The following HSPG2 variants were observed in gnomAD, a reference collection of about 807,000 sequenced individuals.
HSPG2 encodes heparan sulfate proteoglycan 2.
Under a neutral mutation model 526.6 loss-of-function variants are expected in HSPG2, and 278 were observed. The observed-to-expected ratio is 0.53, with a 90% CI of 0.48 to 0.58. The LOEUF (loss-of-function observed/expected upper bound fraction) is 0.58. HSPG2 is among the 20% of genes least tolerant of loss of function. The pLI, the probability that HSPG2 is intolerant of heterozygous loss-of-function variation, is 0.00. For synonymous variants in HSPG2, 2,465 were observed against 2,555.4 expected, an observed-to-expected ratio of 0.96 and a Z score of 1.07; for missense variants, 5,354 against 6,099.5, an observed-to-expected ratio of 0.88 and a Z score of 4.07.
In HSPG2 at chr1:21,884,688, T is replaced by C. The variant is rs1293802537; in HGVS notation, c.1508-14A>G. 2 of 1,610,802 alleles carry C rather than the reference T, an allele frequency of 1.2e-6. No homozygotes were observed. Among genetic ancestry groups the C allele is most frequent in the Admixed American group, 3.3e-5 (2 of 59,790 alleles). On this transcript the variant is annotated splice_polypyrimidine_tract_variant and intron_variant, in intron 12 of 96. Transcript: ENST00000374695. Reference sequence around the variant, plus strand: ...CAGGGCAGGGGCCTGCTGGGCGGCATGGGCGGGGGCTGCAGCCGGCTGTGG... The same window carrying C: ...CAGGGCAGGGGCCTGCTGGGCGGCACGGGCGGGGGCTGCAGCCGGCTGTGG...
chr1:21,833,711 G>A (rs985176308), intron 78 of HSPG2, 97 bp from the exon 79 acceptor site: 84 of 1,573,904 alleles, frequency 5.3e-5, no homozygotes, highest in Non-Finnish European at 6.5e-5. Context: ...AACATTGAGC[G>A]TTTGCTCTTG....
At chr1:21,899,416 C>T (rs187887520) in intron 1 of HSPG2, among the ~76,000 whole-genome samples, 19 of 152,178 alleles carry the variant, frequency 1.2e-4, no homozygotes, top group African/African-American at 4.3e-4. Flanking sequence ...TTATTGAGCA[C>T]TTACTATGCA....
chr1:21,865,878 G>T lies in HSPG2; in HGVS notation c.4222-69C>A. ...GTGAGTGTTGGACCATATAGGTGAG[G>T]GATGGAGCATCTGGCGGCCTTTTTG... is the stretch of plus-strand genomic sequence containing the variant. On this transcript the variant is annotated intron_variant, in intron 33 of 96. Transcript: ENST00000374695. The surrounding 1 kb of genome is among the most constrained non-coding windows in gnomAD (Gnocchi z 5.4). 8.1e-7 allele frequency: 1 copy of T among 1,241,116 alleles called. No homozygotes were observed. Among genetic ancestry groups the T allele is most frequent in the Non-Finnish European group, 1.2e-6 (1 of 844,200 alleles). The allele number at this position is 1,241,116 out of a possible 1,614,324, so 76.9% of individuals were successfully genotyped here. A position where few individuals can be genotyped will look rare whatever the true frequency, so the allele number is the denominator to read the frequency against.
In HSPG2 at chr1:21,872,691, C is replaced by G. The variant is rs376074422; in HGVS notation, c.3958G>C (p.Asp1320His). Residue 1320 changes from aspartate to histidine, a missense_variant, in exon 32 of 97, where the codon GAC (aspartate) becomes CAC (histidine). Coordinates refer to ENST00000374695, the MANE Select transcript of HSPG2 (RefSeq NM_005529.7). This position sits in a 1 kb window ranked among gnomAD's most constrained non-coding sequence, Gnocchi z 5.5. ...ATACAGAAGCAGGGCAGGCAGCCGT[C>G]TGGGTTGCTGGCACTCAGGTGGAAG... ...HHFHLSASNP[D>H]GCLPCFCMGI... is the part of the protein sequence containing the mutation. 4 of 1,608,072 alleles carry G rather than the reference C, an allele frequency of 2.5e-6. No individual in the cohort carries two copies. Among genetic ancestry groups the G allele is most frequent in the Non-Finnish European group, 3.4e-6 (4 of 1,178,208 alleles).
rs2229482 is a variant in HSPG2, at chr1:21,872,752, C to T, written c.3897G>A (p.Val1299=). The change falls in exon 32 of 97, where the codon GTG becomes GTA. Residue 1299 remains valine, a synonymous_variant. Coordinates refer to ENST00000374695, the MANE Select transcript of HSPG2 (RefSeq NM_005529.7). This position sits in a 1 kb window ranked among gnomAD's most constrained non-coding sequence, Gnocchi z 5.5. ...AAGQCQCKAQ[V]EGLTCSHCRP... ...GGCAGTGGCTGCAAGTGAGGCCTTCCACCTGGGCCTGGGTAGACGGATGGA... is the reference window on the plus strand; with the variant it reads ...GGCAGTGGCTGCAAGTGAGGCCTTCTACCTGGGCCTGGGTAGACGGATGGA... 952,751 of 1,607,180 alleles carry T rather than the reference C, an allele frequency of 0.59. 289,523 individuals carry two copies. Among genetic ancestry groups the T allele is most frequent in the Middle Eastern group, 0.63 (3,770 of 5,992 alleles).
In HSPG2 at chr1:21,841,228, G is replaced by T. The variant is rs2098047135; in HGVS notation, c.9386C>A (p.Ala3129Asp). The change falls in exon 71 of 97, where the codon GCT becomes GAT. Residue 3129 changes from alanine (A) to aspartate (D), a missense_variant. By Grantham distance (126) the Ala-to-Asp change is moderately radical. Coordinates refer to ENST00000374695, the MANE Select transcript of HSPG2 (RefSeq NM_005529.7). ...GGCACTGACACACTCCAGGGTGACA[G>T]CCTTTCCCACTTTCACCCACACGGG... The part of the protein sequence containing the change: ...EGPVWVKVGK[A>D]VTLECVSAGE... The T allele has an allele frequency of 1.2e-6, 2 of 1,613,802 alleles. No homozygotes were observed. Among genetic ancestry groups the T allele is most frequent in the African/African-American group, 1.3e-5 (1 of 74,944 alleles).
Position 21,898,261 on chromosome 1 carries a change from T to C in HSPG2, c.64-1951A>G, listed in dbSNP as rs901310727. On this transcript the variant is annotated intron_variant, in intron 1 of 96. Transcript: ENST00000374695. This position sits in a 1 kb window ranked among gnomAD's most constrained non-coding sequence, Gnocchi z 4.0. ...TTGTTCATCTTTGTGTTTGCGGTGC[T>C]CTCAGACCTTGGGGAAGGTCTGAGT... is the stretch of plus-strand genomic sequence containing the variant. Among the ~76,000 whole-genome samples, 13 of 152,128 alleles carry C rather than the reference T, an allele frequency of 8.5e-5. No individual in the cohort carries two copies. Among genetic ancestry groups the C allele is most frequent in the Non-Finnish European group, 1.5e-4 (10 of 68,016 alleles).
intron 20 of HSPG2, 32 bp from the exon 21 acceptor site, chr1:21,878,285 G>A (rs374318622): frequency 6.2e-6 from 10 of 1,610,932 alleles, no homozygotes; most frequent in East Asian, 2.2e-5. Flanking sequence ...GGCAGGGCAG[G>A]TGGGAATGGG....
intron 1 of HSPG2, among the ~76,000 whole-genome samples, chr1:21,915,270 C>A (rs1475827693): frequency 6.6e-6 from 1 of 152,246 alleles, no homozygotes; most frequent in Non-Finnish European, 1.5e-5. Flanking sequence ...CTGCTGGGAG[C>A]TGGGGACTAG....
chr1:21,869,965 C>T (rs534254582), intron 33 of HSPG2, among the ~76,000 whole-genome samples: 3 of 152,200 alleles, frequency 2.0e-5, no homozygotes, highest in Non-Finnish European at 4.4e-5. Flanking sequence ...GGCATCTGGA[C>T]GGGGTTGTTG....
intron 1 of HSPG2, among the ~76,000 whole-genome samples, chr1:21,925,268 T>C (rs981284137): frequency 1.3e-5 from 2 of 151,956 alleles, no homozygotes; most frequent in Non-Finnish European, 2.9e-5. Context: ...AACAAATGAG[T>C]GGACAGAGGG....
rs1246869828 is a variant in HSPG2 at position 21,828,553 on chromosome 1, A to T, written c.12238-127T>A. ...CATTGGGCCCTGAGTGGTAGCATGG[A>T]TTCTCGGTGTGGGGAGGGAGGCGCA... On this transcript the variant is annotated intron_variant, in intron 88 of 96. Coordinates refer to ENST00000374695, the MANE Select transcript of HSPG2 (RefSeq NM_005529.7). The surrounding 1 kb of genome is among the most constrained non-coding windows in gnomAD (Gnocchi z 6.0). 3.8e-6 allele frequency: 4 copies of T among 1,039,006 alleles called. No individual in the cohort carries two copies. Among genetic ancestry groups the T allele is most frequent in the African/African-American group, 1.6e-5 (1 of 63,344 alleles). The allele number at this position is 1,039,006 out of a possible 1,614,324, so 64.4% of individuals were successfully genotyped here.
At chr1:21,874,756 G>A in intron 26 of HSPG2, 27 bp from the exon 27 acceptor site, 3 of 1,571,136 alleles carry the variant, frequency 1.9e-6, no homozygotes, top group Non-Finnish European at 2.6e-6. Flanking sequence ...GGCAGTGGGA[G>A]GGACTTCCGA....
At chr1:21,902,502 A>G (rs890815280) in intron 1 of HSPG2, among the ~76,000 whole-genome samples, 3 of 152,194 alleles carry the variant, frequency 2.0e-5, no homozygotes, top group Non-Finnish European at 4.4e-5. Context: ...AGATAAGGAA[A>G]CCAGGCTCAG....
Position 21,848,636 on chromosome 1 carries a change from C to T in HSPG2, c.7737+7G>A. On this transcript the variant is annotated splice_region_variant and intron_variant, in intron 59 of 96. Coordinates refer to ENST00000374695, the MANE Select transcript of HSPG2 (RefSeq NM_005529.7). This position sits in a 1 kb window ranked among gnomAD's most constrained non-coding sequence, Gnocchi z 4.9. ...GCTTTTGCCCTCCCCACCTGCTGGC[C>T]CTGTACCTGGTGCCGGCTGGGTAAG... 1.9e-6 allele frequency: 3 copies of T among 1,613,116 alleles called. No individual in the cohort carries two copies. Among genetic ancestry groups the T allele is most frequent in the Non-Finnish European group, 2.5e-6 (3 of 1,180,006 alleles).
At chr1:21,891,852 C>T (rs1642386569) in intron 3 of HSPG2, among the ~76,000 whole-genome samples, 1 of 152,190 alleles carries the variant, frequency 6.6e-6, no homozygotes, top group Non-Finnish European at 1.5e-5. Flanking sequence ...CTCAAGCAAT[C>T]CTCTCACTTT....
Position 21,895,072 on chromosome 1 carries a change from T to A in HSPG2, c.244+850A>T, listed in dbSNP as rs1158694348. Among the ~76,000 whole-genome samples, 1 of 152,204 alleles carries A rather than the reference T, an allele frequency of 6.6e-6. No individual in the cohort carries two copies. The highest frequency in any genetic ancestry group is 1.5e-5 in the Non-Finnish European group (1 of 68,026). ...AAGGGAGGTGACTCCACCCCTGAAG[T>A]AGGCCCAGGCCAGATTTGGCCAAGG... On this transcript the variant is annotated intron_variant, in intron 3 of 96. Coordinates refer to ENST00000374695, the MANE Select transcript of HSPG2 (RefSeq NM_005529.7). The surrounding 1 kb of genome is among the most constrained non-coding windows in gnomAD (Gnocchi z 4.1).
chr1:21,828,776 G>T lies in HSPG2; in HGVS notation c.12237+59C>A. 6.5e-7 allele frequency: 1 copy of T among 1,549,016 alleles called. No homozygotes were observed. The highest frequency in any genetic ancestry group is 8.7e-7 in the Non-Finnish European group (1 of 1,146,620). On this transcript the variant is annotated intron_variant, in intron 88 of 96. Transcript: ENST00000374695. This position sits in a 1 kb window ranked among gnomAD's most constrained non-coding sequence, Gnocchi z 6.0. ...AATGCCAAGGTGCTTGGAGAGCCGA[G>T]GGGGACACAAGGCTTGGCACCCCTC...
At position 21,880,346 on chromosome 1, in the gene HSPG2, C is replaced by A. The variant is rs1180554259; in HGVS notation, c.2195+17G>T. On this transcript the variant is annotated intron_variant, in intron 16 of 96. Transcript: ENST00000374695. ...TGCTAGGGTCTCTGTGGTTCCCAGC[C>A]CTGCCGGCTCAGGCACCTGCACTCC... The A allele has an allele frequency of 1.2e-6, 2 of 1,613,956 alleles. No individual in the cohort carries two copies.
Sources: allele counts gnomAD v4.1 joint callset (sites outside exome capture counted in the v4.1 genomes callset), GRCh38; gene constraint gnomAD v4.1.1; non-coding constraint Gnocchi (gnomAD v3.1); transcripts MANE v1.5; gene names NCBI Gene and HGNC (gene_info 2026-07-23, HGNC 2026-07-21).